MTUS2: variants seen among roughly 807,000 people sequenced by gnomAD.
MTUS2 encodes microtubule associated scaffold protein 2.
In MTUS2, 40 loss-of-function variants were observed where a neutral mutation model predicts 114.1. The ratio of observed to expected loss-of-function variants is 0.35; its 90% CI spans 0.27 to 0.46. The LOEUF is 0.46. Among genes scored for constraint, MTUS2 ranks in the 20% least tolerant of loss-of-function variants. The pLI is 1.00. For synonymous variants in MTUS2, 688 were observed against 672.0 expected (o/e 1.02, Z -0.37); for missense variants, 1,679 against 1,705.4 (o/e 0.98, Z 0.27).
At chr13:29,112,835 T>C (rs1011781895) in intron 5 of MTUS2, among the ~76,000 whole-genome samples, 3 of 151,970 alleles carry the variant, frequency 2.0e-5, no homozygotes, top group Admixed American at 6.6e-5. Flanking sequence ...AAGGAGGTCA[T>C]ATCAGGTCGC....
chr13:29,019,151 A>T (rs928985904), intron 2 of MTUS2, among the ~76,000 whole-genome samples: 3 of 152,148 alleles, frequency 2.0e-5, no homozygotes, highest in Non-Finnish European at 4.4e-5. Context: ...CTAACATTTC[A>T]GCGTCATGAT....
intron 2 of MTUS2, among the ~76,000 whole-genome samples, chr13:28,859,585 A>T (rs1876846547): frequency 6.6e-6 from 1 of 152,154 alleles, no homozygotes; most frequent in Non-Finnish European, 1.5e-5. Context: ...ACTTTGCAGA[A>T]CTCAGTGTCG....
At chr13:29,158,358 C>CCCCCCTCCTTCTTTT in intron 5 of MTUS2, among the ~76,000 whole-genome samples, 1 of 32,048 alleles carries the variant, frequency 3.1e-5, no homozygotes, top group Non-Finnish European at 5.1e-5. Flanking sequence ...GTCCACCCCG[C>CCCCCCTCCTTCTTTT]TTTTTTTTTT....
chr13:29,267,519 G>A (rs1566100275), intron 5 of MTUS2, among the ~76,000 whole-genome samples: 1 of 152,204 alleles, frequency 6.6e-6, no homozygotes, highest in African/African-American at 2.4e-5. Flanking sequence ...CTAGGGCAGG[G>A]CCTGACCCAG....
chr13:28,911,869 T>C (rs1010100901), intron 2 of MTUS2, among the ~76,000 whole-genome samples: 9 of 141,820 alleles, frequency 6.3e-5, no homozygotes, highest in Non-Finnish European at 1.4e-4. Flanking sequence ...TTTTTGTAAA[T>C]TTGTTTACAT....
At chr13:28,994,609 G>C (rs561632935) in intron 2 of MTUS2, among the ~76,000 whole-genome samples, 39 of 152,150 alleles carry the variant, frequency 2.6e-4, no homozygotes, top group African/African-American at 9.2e-4. Context: ...GGTGTGAGAC[G>C]GTATCTCATT....
Position 29,386,531 on chromosome 13 carries a change from T to A in MTUS2, c.3117+27058T>A, listed in dbSNP as rs543298911. On this transcript the variant is annotated intron_variant, in intron 8 of 15. Coordinates refer to ENST00000612955, the MANE Select transcript of MTUS2 (RefSeq NM_001033602.4). ...TAAAATGAGTTAGCCAGATTCTTGCTCCAGCTGGACTGGGCAGGTGGAAGA... is the reference window on the plus strand; with the variant it reads ...TAAAATGAGTTAGCCAGATTCTTGCACCAGCTGGACTGGGCAGGTGGAAGA... Among the ~76,000 whole-genome samples the A allele has an allele frequency of 7.2e-5, 11 of 152,264 alleles. No individual in the cohort carries two copies. The East Asian group carries it at 1.9e-3, about 27-fold the overall frequency.
intron 4 of MTUS2, among the ~76,000 whole-genome samples, chr13:29,058,972 G>A (rs1888278470): frequency 6.6e-6 from 1 of 151,838 alleles, no homozygotes; most frequent in Admixed American, 6.6e-5. Context: ...TTGATTTATT[G>A]TATTCTTTAG....
chr13:29,046,559 C>G (rs554918496), intron 4 of MTUS2, among the ~76,000 whole-genome samples: 3 of 152,212 alleles, frequency 2.0e-5, no homozygotes, highest in Admixed American at 6.5e-5. Context: ...TTTTTGCCTG[C>G]ATGTGCAAGT....
At chr13:29,397,205 C>G (rs1232994423) in intron 8 of MTUS2, among the ~76,000 whole-genome samples, 1 of 152,162 alleles carries the variant, frequency 6.6e-6, no homozygotes, top group Non-Finnish European at 1.5e-5. Context: ...ATCAGCCACT[C>G]CCAAAGTTGT....
At chr13:28,851,796 G>T (rs1006838974) in intron 2 of MTUS2, among the ~76,000 whole-genome samples, 10 of 144,416 alleles carry the variant, frequency 6.9e-5, no homozygotes, top group African/African-American at 2.5e-4. Flanking sequence ...TATCTGAGTG[G>T]GTAGGAGCAC....
intron 5 of MTUS2, among the ~76,000 whole-genome samples, chr13:29,169,145 CT>C (rs746682793): frequency 6.6e-6 from 1 of 152,106 alleles, no homozygotes; most frequent in African/African-American, 2.4e-5. Context: ...TTAGGCCTTA[CT>C]AATTTTCATA....
In MTUS2 at chr13:29,196,204, C is replaced by A. The variant is rs544124518; in HGVS notation, c.2645-85500C>A. Among the ~76,000 whole-genome samples, 138 of 151,294 alleles carry A rather than the reference C, an allele frequency of 9.1e-4. 3 individuals are homozygous for A. In the South Asian group the frequency reaches 0.028, roughly 30 times the overall value. On this transcript the variant is annotated intron_variant, in intron 5 of 15. Coordinates refer to ENST00000612955, the MANE Select transcript of MTUS2 (RefSeq NM_001033602.4). Reference sequence around the variant, plus strand: ...CTCTGTCTGCTGGGTTCAAGCAATTCTCCTACCTCAGCCTCCCGAGTAGCT... The same window carrying A: ...CTCTGTCTGCTGGGTTCAAGCAATTATCCTACCTCAGCCTCCCGAGTAGCT...
intron 12 of MTUS2, among the ~76,000 whole-genome samples, chr13:29,493,086 C>T (rs1566236746): frequency 6.6e-6 from 1 of 152,116 alleles, no homozygotes; most frequent in Admixed American, 6.5e-5. Flanking sequence ...GCAGGGGTAA[C>T]GGTGCAAGGA....
intron 7 of MTUS2, among the ~76,000 whole-genome samples, chr13:29,347,530 T>TA (rs34713870): frequency 4.6e-4 from 69 of 148,930 alleles, no homozygotes; most frequent in South Asian, 1.3e-3. Flanking sequence ...TTTGGATGAT[T>TA]AAAAAAAAAA....
rs531199499 is a variant in MTUS2 at position 29,136,583 on chromosome 13, T to C, written c.2644+35613T>C. ...AATCAGTCATGTTTGTATAATGAAA[T>C]CTCCATAAAAGTCCAAAAGGACTGG... On this transcript the variant is annotated intron_variant, in intron 5 of 15. Coordinates refer to ENST00000612955, the MANE Select transcript of MTUS2 (RefSeq NM_001033602.4). Among the ~76,000 whole-genome samples, 3 of 152,206 alleles carry C rather than the reference T, an allele frequency of 2.0e-5. No individual in the cohort carries two copies. The South Asian group carries it at 6.2e-4, about 32-fold the overall frequency.
At chr13:29,286,703 T>TATCTATCTATCTATCTATCTATCTATC (rs1555261591) in intron 6 of MTUS2, among the ~76,000 whole-genome samples, 2 of 152,054 alleles carry the variant, frequency 1.3e-5, no homozygotes, top group African/African-American at 2.4e-5. Flanking sequence ...TCTATCTTAC[T>TATCTATCTATCTATCTATCTATCTATC]TATTTGAGAC....
intron 2 of MTUS2, among the ~76,000 whole-genome samples, chr13:28,853,278 T>C (rs1483951579): frequency 1.3e-5 from 2 of 152,198 alleles, no homozygotes; most frequent in African/African-American, 4.8e-5. Context: ...TTTATGAAAA[T>C]GTATTGATCC....
intron 7 of MTUS2, among the ~76,000 whole-genome samples, chr13:29,353,775 A>G (rs894906992): frequency 7.7e-4 from 118 of 152,306 alleles, no homozygotes; most frequent in African/African-American, 2.8e-3. Context: ...CTGATGCCCC[A>G]TGAATTACGA....
Sources: gnomAD v4.1 joint callset for allele counts (sites outside exome capture counted in the v4.1 genomes callset) on GRCh38, gnomAD v4.1.1 for gene constraint, MANE v1.5 for transcripts, NCBI Gene and HGNC (gene_info 2026-07-23, HGNC 2026-07-21) for gene names.